The following PTPRZ1 variants were observed in gnomAD, a reference collection of about 807,000 sequenced individuals.
PTPRZ1 encodes receptor-type tyrosine-protein phosphatase zeta.
PTPRZ1 carries 82 observed loss-of-function variants against 214.1 expected under a neutral mutation model. That is an observed-to-expected ratio of 0.38 (90% CI 0.32 to 0.46). The LOEUF is 0.46. PTPRZ1 is among the 20% of genes least tolerant of loss of function. The probability of loss-of-function intolerance (pLI) is 1.00; values close to 1 mark genes in which losing one functional copy is unlikely to be tolerated. For synonymous variants in PTPRZ1, 945 were observed against 987.9 expected (o/e 0.96, Z 0.81); for missense variants, 2,603 against 2,748.7 (o/e 0.95, Z 1.19).
intron 1 of PTPRZ1, among the ~76,000 whole-genome samples, chr7:121,922,759 C>T (rs1377828307): frequency 6.6e-6 from 1 of 152,168 alleles, no homozygotes; most frequent in Non-Finnish European, 1.5e-5. Flanking sequence ...GATAACCACT[C>T]TGATGACAGT....
chr7:121,891,005 A>G (rs1299348261), intron 1 of PTPRZ1, among the ~76,000 whole-genome samples: 2 of 148,760 alleles, frequency 1.3e-5, no homozygotes, highest in Non-Finnish European at 3.0e-5. Context: ...GTGACCTCCC[A>G]CTCCACTCTC....
At chr7:121,993,630 C>T (rs1798041995) in intron 8 of PTPRZ1, among the ~76,000 whole-genome samples, 1 of 148,174 alleles carries the variant, frequency 6.7e-6, no homozygotes, top group Admixed American at 6.7e-5. Context: ...GGGCTGATTT[C>T]AATAGGAAAT....
chr7:122,006,773 C>T (rs1798499586), intron 11 of PTPRZ1, among the ~76,000 whole-genome samples: 1 of 151,976 alleles, frequency 6.6e-6, no homozygotes, highest in African/African-American at 2.4e-5. Flanking sequence ...AAACAGATGC[C>T]ACACTCAAGT....
intron 2 of PTPRZ1, among the ~76,000 whole-genome samples, chr7:121,929,074 TTTTC>T (rs1795848034): frequency 1.3e-5 from 2 of 152,216 alleles, no homozygotes; most frequent in African/African-American, 2.4e-5. Context: ...TAAGGATGTA[TTTTC>T]TTTCTTCTTT....
At chr7:121,934,771 C>T (rs1796024479) in intron 2 of PTPRZ1, among the ~76,000 whole-genome samples, 1 of 152,138 alleles carries the variant, frequency 6.6e-6, no homozygotes, top group Admixed American at 6.5e-5. Flanking sequence ...CAGATATTTC[C>T]TATCATCTGT....
At chr7:121,920,796 A>C (rs187378977) in intron 1 of PTPRZ1, among the ~76,000 whole-genome samples, 1 of 152,172 alleles carries the variant, frequency 6.6e-6, no homozygotes, top group South Asian at 2.1e-4. Context: ...GACATTGTCA[A>C]CTTTTAATTT....
intron 3 of PTPRZ1, among the ~76,000 whole-genome samples, chr7:121,968,616 T>G (rs1001503179): frequency 9.3e-5 from 14 of 150,548 alleles, no homozygotes; most frequent in African/African-American, 3.4e-4. Flanking sequence ...TCTCTAAGTG[T>G]CTTTTTATTG....
chr7:122,033,558 T>C (rs1346943153), intron 15 of PTPRZ1, among the ~76,000 whole-genome samples: 3 of 152,094 alleles, frequency 2.0e-5, no homozygotes, highest in Non-Finnish European at 4.4e-5. Context: ...GCTATCTAAA[T>C]TTTGTTTCAA....
Position 122,010,592 on chromosome 7 carries a change from A to G in PTPRZ1, c.1546A>G (p.Ile516Val). The change falls in exon 12 of 30, where the codon ATT (isoleucine) becomes GTT (valine). Residue 516 changes from isoleucine to valine, a missense_variant. Transcript: ENST00000393386. ...PVTKLATEKDISLTSQTVTEL... is the reference protein window; with the variant it reads ...PVTKLATEKDVSLTSQTVTEL... ...CACTAAATTAGCCACAGAAAAAGATATTTCCTTGACTTCTCAGACTGTGAC... is the reference window on the plus strand; with the variant it reads ...CACTAAATTAGCCACAGAAAAAGATGTTTCCTTGACTTCTCAGACTGTGAC... 1 of 1,613,640 alleles carries G rather than the reference A, an allele frequency of 6.2e-7. No homozygotes were observed. The highest frequency in any genetic ancestry group is 2.2e-5 in the East Asian group (1 of 44,870).
intron 15 of PTPRZ1, among the ~76,000 whole-genome samples, chr7:122,032,265 G>A (rs1270342790): frequency 6.6e-6 from 1 of 152,122 alleles, no homozygotes; most frequent in African/African-American, 2.4e-5. Flanking sequence ...ACATGTCAGT[G>A]GACTACATGC....
chr7:122,021,127 T>C (rs1005792530), intron 13 of PTPRZ1, among the ~76,000 whole-genome samples: 1 of 151,750 alleles, frequency 6.6e-6, no homozygotes, highest in Admixed American at 6.6e-5. Context: ...AAAGTTCCAA[T>C]AAAGATGTCA....
At chr7:121,980,376 TA>T (rs1563048647) in intron 6 of PTPRZ1, among the ~76,000 whole-genome samples, 1 of 152,158 alleles carries the variant, frequency 6.6e-6, no homozygotes, top group Admixed American at 6.5e-5. Flanking sequence ...AACATAAATC[TA>T]AAAAACATTC....
Position 122,011,619 on chromosome 7 carries a change from C to T in PTPRZ1, c.2573C>T (p.Ala858Val). The change falls in exon 12 of 30, where the codon GCT becomes GTT. Residue 858 changes from alanine to valine, a missense_variant. Ala to Val is a moderately conservative substitution (Grantham distance 64). This residue lies in a region of PTPRZ1 where 1,913 missense variants were observed against 1,914.3 expected (regional missense o/e 1.00). Coordinates refer to ENST00000393386, the MANE Select transcript of PTPRZ1 (RefSeq NM_002851.3). Reference protein sequence around the residue: ...ATESDKVPLHASLPVAGGDLL... With the variant: ...ATESDKVPLHVSLPVAGGDLL... Reference sequence around the variant, plus strand: ...GAGAGTGATAAGGTGCCCTTGCATGCTTCTCTGCCAGTGGCTGGGGGTGAT... The same window carrying T: ...GAGAGTGATAAGGTGCCCTTGCATGTTTCTCTGCCAGTGGCTGGGGGTGAT... The T allele has an allele frequency of 6.2e-7, 1 of 1,614,074 alleles. No individual in the cohort carries two copies. The highest frequency in any genetic ancestry group is 1.1e-5 in the South Asian group (1 of 91,066).
intron 2 of PTPRZ1, among the ~76,000 whole-genome samples, chr7:121,930,192 A>G (rs1317431840): frequency 2.6e-5 from 4 of 152,190 alleles, no homozygotes; most frequent in Non-Finnish European, 4.4e-5. Context: ...AGTACTCTGC[A>G]GATGGGTATG....
chr7:122,035,946 A>G (rs1303033501), intron 17 of PTPRZ1, among the ~76,000 whole-genome samples: 1 of 152,138 alleles, frequency 6.6e-6, no homozygotes, highest in Non-Finnish European at 1.5e-5. Flanking sequence ...ACCTTATATC[A>G]TTTACCAGAT....
intron 1 of PTPRZ1, among the ~76,000 whole-genome samples, chr7:121,915,605 T>G (rs944720472): frequency 6.6e-6 from 1 of 152,164 alleles, no homozygotes; most frequent in African/African-American, 2.4e-5. Context: ...TATACTCTGG[T>G]TTGTGATCCG....
chr7:121,997,453 G>A (rs59180909), intron 9 of PTPRZ1, among the ~76,000 whole-genome samples: 25,233 of 151,864 alleles, frequency 0.17, 2,241 homozygotes, highest in South Asian at 0.3. Flanking sequence ...TCATAATTAC[G>A]TGAAGAAGAT....
rs768120267 is a variant in PTPRZ1, at chr7:122,013,506, T to A, written c.4460T>A (p.Val1487Asp). 17 of 1,614,040 alleles carry A rather than the reference T, an allele frequency of 1.1e-5. No individual in the cohort carries two copies. In the Admixed American group the frequency reaches 2.8e-4, roughly 27 times the overall value. ...LSENSEEDNR[V>D]TSVSSDSQTG... ...GAGAATTCTGAAGAAGATAATAGAGTCACAAGTGTATCCTCAGACAGTCAA... is the reference window on the plus strand; with the variant it reads ...GAGAATTCTGAAGAAGATAATAGAGACACAAGTGTATCCTCAGACAGTCAA... Residue 1487 changes from valine to aspartate, a missense_variant, in exon 12 of 30, where the codon GTC becomes GAC. This residue lies in a region of PTPRZ1 where 1,913 missense variants were observed against 1,914.3 expected (regional missense o/e 1.00). Coordinates refer to ENST00000393386, the MANE Select transcript of PTPRZ1 (RefSeq NM_002851.3).
At chr7:121,897,625 G>T (rs1794828797) in intron 1 of PTPRZ1, among the ~76,000 whole-genome samples, 1 of 152,170 alleles carries the variant, frequency 6.6e-6, no homozygotes, top group African/African-American at 2.4e-5. Flanking sequence ...CCTTCTGCTA[G>T]CTAGAAGATC....
Sources: allele counts gnomAD v4.1 joint callset (sites outside exome capture counted in the v4.1 genomes callset), GRCh38; gene constraint gnomAD v4.1.1; regional missense constraint gnomAD v4.1.1; transcripts MANE v1.5; gene names NCBI Gene and HGNC (gene_info 2026-07-23, HGNC 2026-07-21).